DGKI: variants seen among roughly 807,000 people sequenced by gnomAD.
The protein encoded by DGKI is DAG kinase iota.
A neutral mutation model predicts 147.5 loss-of-function variants in DGKI; 55 were observed. The observed-to-expected ratio is 0.37, with a 90% CI of 0.30 to 0.47. The LOEUF (loss-of-function observed/expected upper bound fraction) is 0.47. DGKI is among the 20% of genes least tolerant of loss of function. The pLI, the probability that DGKI is intolerant of heterozygous loss-of-function variation, is 1.00. For synonymous variants in DGKI, 469 were observed against 477.1 expected, an observed-to-expected ratio of 0.98 and a Z score of 0.22; for missense variants, 1,007 against 1,323.8, an observed-to-expected ratio of 0.76 and a Z score of 3.71.
At chr7:137,581,323 C>T (rs984110714) in intron 15 of DGKI, among the ~76,000 whole-genome samples, 11 of 152,100 alleles carry the variant, frequency 7.2e-5, no homozygotes, top group African/African-American at 2.7e-4. Context: ...CCATTACATC[C>T]TATGCTTTCA....
At chr7:137,593,733 AATG>A (rs140057059) in intron 12 of DGKI, among the ~76,000 whole-genome samples, 2,932 of 152,336 alleles carry the variant, frequency 0.019, 90 homozygotes, top group African/African-American at 0.067. Context: ...CACATATTGA[AATG>A]ATACTATTTT....
At position 137,390,864 on chromosome 7, in the gene DGKI, A is replaced by G; in HGVS notation, c.*356T>C. ...ATGGTACAGGGAAAAAAACCAATGCATAGGGGGAGGATGGAGCAGTGCCAT... is the reference window on the plus strand; with the variant it reads ...ATGGTACAGGGAAAAAAACCAATGCGTAGGGGGAGGATGGAGCAGTGCCAT... On this transcript the variant is annotated 3_prime_UTR_variant, in exon 33 of 33. Coordinates refer to ENST00000614521, the MANE Select transcript of DGKI (RefSeq NM_001321708.2). The G allele has an allele frequency of 8.1e-6, 2 of 247,284 alleles. No homozygotes were observed. The highest frequency in any genetic ancestry group is 5.1e-5 in the South Asian group (1 of 19,544). The allele number at this position is 247,284 out of a possible 1,614,324, so 15.3% of individuals were successfully genotyped here.
intron 27 of DGKI, among the ~76,000 whole-genome samples, chr7:137,452,487 C>T (rs938598854): frequency 1.3e-5 from 2 of 152,188 alleles, no homozygotes; most frequent in Admixed American, 6.5e-5. Flanking sequence ...ATAAGTACAC[C>T]ACTCCTTATT....
intron 28 of DGKI, among the ~76,000 whole-genome samples, chr7:137,425,347 T>A (rs1812754160): frequency 6.6e-6 from 1 of 152,172 alleles, no homozygotes; most frequent in Non-Finnish European, 1.5e-5. Flanking sequence ...TCCTGTCTGT[T>A]AGAAGGAAAA....
intron 1 of DGKI, among the ~76,000 whole-genome samples, chr7:137,760,474 G>T (rs1795823921): frequency 6.6e-6 from 1 of 152,084 alleles, no homozygotes; most frequent in Admixed American, 6.5e-5. Flanking sequence ...TTCCCTGAGG[G>T]ATAAAAGGAA....
At chr7:137,442,508 C>T (rs759264381) in intron 28 of DGKI, among the ~76,000 whole-genome samples, 11 of 152,132 alleles carry the variant, frequency 7.2e-5, no homozygotes, top group Non-Finnish European at 1.3e-4. Context: ...CAAACACAAG[C>T]TTCTAGTTTA....
chr7:137,429,079 G>T (rs1340629999), intron 28 of DGKI, among the ~76,000 whole-genome samples: 1 of 151,632 alleles, frequency 6.6e-6, no homozygotes, highest in Non-Finnish European at 1.5e-5. Context: ...AACCAAAAAA[G>T]AGCCCACATC....
chr7:137,807,964 A>C (rs1357888886), intron 1 of DGKI, among the ~76,000 whole-genome samples: 1 of 152,138 alleles, frequency 6.6e-6, no homozygotes, highest in Non-Finnish European at 1.5e-5. Context: ...TGTGTCCCCC[A>C]AAAAGGCAAC....
chr7:137,616,546 G>A (rs1820537273), intron 8 of DGKI, among the ~76,000 whole-genome samples: 1 of 152,038 alleles, frequency 6.6e-6, no homozygotes, highest in South Asian at 2.1e-4. Context: ...ATGATCCTGG[G>A]ACATGGTATT....
intron 1 of DGKI, among the ~76,000 whole-genome samples, chr7:137,822,385 G>A (rs894249416): frequency 4.0e-5 from 6 of 151,784 alleles, no homozygotes; most frequent in Non-Finnish European, 1.5e-5. Flanking sequence ...CCAGCCTGGG[G>A]GACAGAGCAA....
rs576201479 is a variant in DGKI, at chr7:137,757,043, A to C, written c.402-67041T>G. ...ATTTGTTTCTTCTCTGGAATTTCTC[A>C]GTAAACATTCTCCAGGATTTTTTTT... On this transcript the variant is annotated intron_variant, in intron 1 of 32. Coordinates refer to ENST00000614521, the MANE Select transcript of DGKI (RefSeq NM_001321708.2). 5.3e-5 allele frequency among the ~76,000 whole-genome samples: 8 copies of C among 152,190 alleles called. No individual in the cohort carries two copies. The South Asian group carries it at 1.7e-3, about 32-fold the overall frequency.
intron 29 of DGKI, among the ~76,000 whole-genome samples, chr7:137,410,958 G>T (rs1812140111): frequency 6.6e-6 from 1 of 152,216 alleles, no homozygotes; most frequent in African/African-American, 2.4e-5. Context: ...CCGTTTTCAG[G>T]ATTATGTGCC....
chr7:137,803,280 G>A (rs887690939), intron 1 of DGKI, among the ~76,000 whole-genome samples: 1 of 152,118 alleles, frequency 6.6e-6, no homozygotes, highest in African/African-American at 2.4e-5. Flanking sequence ...GAAAAAGGGG[G>A]CTGTGATCAC....
At chr7:137,739,114 G>C (rs1478204692) in intron 1 of DGKI, among the ~76,000 whole-genome samples, 1 of 152,112 alleles carries the variant, frequency 6.6e-6, no homozygotes, top group Admixed American at 6.6e-5. Flanking sequence ...GGGATCAGGA[G>C]CTGAAATCCA....
Position 137,520,940 on chromosome 7 carries a change from C to A in DGKI, c.2248+926G>T, listed in dbSNP as rs191517652. Reference sequence around the variant, plus strand: ...TCCTCTTTTACACAGGTAGCCAGGTCTACACTTAGAGACCATTTGGGGACT... The same window carrying A: ...TCCTCTTTTACACAGGTAGCCAGGTATACACTTAGAGACCATTTGGGGACT... On this transcript the variant is annotated intron_variant, in intron 21 of 32. Coordinates refer to ENST00000614521, the MANE Select transcript of DGKI (RefSeq NM_001321708.2). Among the ~76,000 whole-genome samples the A allele has an allele frequency of 6.7e-4, 102 of 152,180 alleles. 1 individual carries two copies. Among genetic ancestry groups the A allele is most frequent in the African/African-American group, 2.4e-3 (101 of 41,550 alleles).
chr7:137,518,088 G>T (rs1816842629), intron 21 of DGKI, among the ~76,000 whole-genome samples: 2 of 152,010 alleles, frequency 1.3e-5, no homozygotes, highest in Admixed American at 1.3e-4. Flanking sequence ...CTGGTTTTAT[G>T]GACTTGAAGA....
Position 137,846,473 on chromosome 7 carries a change from C to G in DGKI, c.390G>C (p.Gln130His), listed in dbSNP as rs1798736227. 1 of 1,593,816 alleles carries G rather than the reference C, an allele frequency of 6.3e-7. No individual in the cohort carries two copies. The stretch of plus-strand genomic sequence containing the variant: ...CTCCCCGCACCTACCTGTACGAGAC[C>G]TGCTTCCGGAAAGTTAAGTTCCTCA... ...EKLRNLTFRKQVSYRKAISRA... is the reference protein window; with the variant it reads ...EKLRNLTFRKHVSYRKAISRA... Residue 130 changes from glutamine to histidine, a missense_variant, in exon 1 of 33, where the codon CAG becomes CAC. Coordinates refer to ENST00000614521, the MANE Select transcript of DGKI (RefSeq NM_001321708.2). The surrounding 1 kb of genome is among the most constrained non-coding windows in gnomAD (Gnocchi z 4.0).
intron 1 of DGKI, among the ~76,000 whole-genome samples, chr7:137,831,965 G>A (rs568231394): frequency 5.3e-5 from 8 of 152,304 alleles, no homozygotes; most frequent in East Asian, 3.9e-4. Context: ...AAATTCAACC[G>A]GGCAGTCAAA....
intron 1 of DGKI, among the ~76,000 whole-genome samples, chr7:137,733,906 C>T (rs910876056): frequency 6.6e-6 from 1 of 152,096 alleles, no homozygotes. Context: ...GACCACCCTC[C>T]AATCTACTTC....
Sources: gnomAD v4.1 joint callset for allele counts (sites outside exome capture counted in the v4.1 genomes callset) on GRCh38, gnomAD v4.1.1 for gene constraint, Gnocchi (gnomAD v3.1) non-coding constraint, MANE v1.5 for transcripts, NCBI Gene and HGNC (gene_info 2026-07-23, HGNC 2026-07-21) for gene names.